The following C2CD3 variants were observed in gnomAD, a reference collection of about 807,000 sequenced individuals.
C2CD3 encodes C2 domain containing 3 centriole elongation regulator, also known as C2 domain-containing protein 3.
C2CD3 carries 148 observed loss-of-function variants against 234.0 expected under a neutral mutation model. That is an observed-to-expected ratio of 0.63 (90% CI 0.55 to 0.72). The LOEUF (loss-of-function observed/expected upper bound fraction) is 0.72, where lower values mean the gene tolerates loss of function less well. Among genes scored for constraint, C2CD3 ranks in the 30% least tolerant of loss-of-function variants. The pLI is 0.00. For missense variants in C2CD3, 2,577 were observed against 2,811.5 expected (o/e 0.92, Z 1.89); for synonymous variants, 1,000 against 1,035.4 (o/e 0.97, Z 0.66).
Position 74,114,609 on chromosome 11 carries a change from A to G in C2CD3, c.1521-16T>C. 6.4e-7 allele frequency: 1 copy of G among 1,551,704 alleles called. No individual in the cohort carries two copies. Among genetic ancestry groups the G allele is most frequent in the South Asian group, 1.1e-5 (1 of 89,802 alleles). On this transcript the variant is annotated splice_polypyrimidine_tract_variant and intron_variant, in intron 9 of 32. Coordinates refer to ENST00000334126, the MANE Select transcript of C2CD3 (RefSeq NM_001286577.2). ...AACCAAATTTCTGAAAGGAGTTCAC[A>G]CAAGCAGTGAGGCATACTGCTACAG...
chr11:74,074,187 A>G lies in C2CD3; in HGVS notation c.4951+66T>C, dbSNP rs2135460115. On this transcript the variant is annotated intron_variant, in intron 24 of 32. Transcript: ENST00000334126. ...AACAGATCCTGCCATGATTTGAAAG[A>G]TTTGTGAAGAAAGGAGCACACCCTG... The G allele has an allele frequency of 5.6e-6, 6 of 1,078,794 alleles. No homozygotes were observed. The East Asian group carries it at 1.4e-4, about 26-fold the overall frequency. The allele number at this position is 1,078,794 out of a possible 1,614,324, so 66.8% of individuals were successfully genotyped here.
chr11:74,013,476 G>A lies in C2CD3; in HGVS notation c.6971C>T (p.Pro2324Leu). 1 of 1,417,940 alleles carries A rather than the reference G, an allele frequency of 7.1e-7. No individual in the cohort carries two copies. The highest frequency in any genetic ancestry group is 2.9e-5 in the East Asian group (1 of 34,490). The allele number at this position is 1,417,940 out of a possible 1,614,324, so 87.8% of individuals were successfully genotyped here. A position where few individuals can be genotyped will look rare whatever the true frequency, so the allele number is the denominator to read the frequency against. The change falls in exon 33 of 33, where the codon CCC (proline) becomes CTC (leucine). Residue 2324 changes from proline to leucine, a missense_variant. Transcript: ENST00000334126. ...RGALSQRPCR[P>L]RPNSLPLNLP... ...GTTGAGGGGGAGCGAGTTAGGTCTG[G>A]GGCGACAAGGCCTTTGGGAGAGAGC...
At chr11:74,073,100 T>C (rs1954873003) in intron 24 of C2CD3, among the ~76,000 whole-genome samples, 1 of 150,198 alleles carries the variant, frequency 6.7e-6, no homozygotes, top group Non-Finnish European at 1.5e-5. Flanking sequence ...CAGGAATTCT[T>C]TGTGCCATGG....
rs777666083 is a variant in C2CD3, at chr11:74,092,604, G to A, written c.3345-16C>T. The A allele has an allele frequency of 6.2e-7, 1 of 1,600,986 alleles. No homozygotes were observed. Among genetic ancestry groups the A allele is most frequent in the South Asian group, 1.1e-5 (1 of 90,184 alleles). On this transcript the variant is annotated splice_polypyrimidine_tract_variant and intron_variant, in intron 18 of 32. Coordinates refer to ENST00000334126, the MANE Select transcript of C2CD3 (RefSeq NM_001286577.2). ...ATAATAGTATCTGTAAACCACAAAA[G>A]CACACGTTGTCAGAAGAATTAGGTG... is the stretch of plus-strand genomic sequence containing the variant.
At chr11:74,015,104 G>A (rs1951832207) in intron 32 of C2CD3, among the ~76,000 whole-genome samples, 1 of 152,190 alleles carries the variant, frequency 6.6e-6, no homozygotes, top group South Asian at 2.1e-4. Context: ...CAGACCAGGG[G>A]AGGCCAGTGG....
chr11:74,043,657 T>A (rs949685246), intron 28 of C2CD3, among the ~76,000 whole-genome samples: 11 of 151,900 alleles, frequency 7.2e-5, no homozygotes, highest in African/African-American at 2.7e-4. Context: ...TTTTTTTTTT[T>A]AAATACAGTC....
chr11:74,037,529 T>G lies in C2CD3; in HGVS notation c.5830A>C (p.Ile1944Leu), dbSNP rs746169999. The G allele has an allele frequency of 1.9e-6, 3 of 1,614,002 alleles. No homozygotes were observed. In the East Asian group the frequency reaches 6.7e-5, roughly 36 times the overall value. Residue 1944 changes from isoleucine to leucine, a missense_variant, in exon 30 of 33, where the codon ATC (isoleucine) becomes CTC (leucine). By Grantham distance (5) the Ile-to-Leu change is conservative (BLOSUM62 2). Transcript: ENST00000334126. ...ACCAGGTTACTGGATTTCTCCAGGA[T>G]ACACTGGCTCCCAGGGTCTAGGCTG... ...ASSLDPGSQC[I>L]LEKSSNLVLQ...
At chr11:74,107,193 C>T (rs1381522358) in intron 12 of C2CD3, among the ~76,000 whole-genome samples, 2 of 151,988 alleles carry the variant, frequency 1.3e-5, no homozygotes, top group African/African-American at 2.4e-5. Flanking sequence ...GGCATGGTGG[C>T]GGGTGCCTGT....
chr11:74,055,922 TTC>T (rs1953930964), intron 25 of C2CD3, among the ~76,000 whole-genome samples: 1 of 152,220 alleles, frequency 6.6e-6, no homozygotes, highest in African/African-American at 2.4e-5. Context: ...AGTTTTGTAA[TTC>T]TGTTAGGTTT....
intron 24 of C2CD3, among the ~76,000 whole-genome samples, chr11:74,072,329 C>T (rs181640029): frequency 6.6e-5 from 10 of 152,096 alleles, no homozygotes; most frequent in Non-Finnish European, 8.8e-5. Context: ...GTAGTATAAA[C>T]GGGGAGGAGT....
intron 3 of C2CD3, among the ~76,000 whole-genome samples, chr11:74,153,859 T>C (rs547262327): frequency 6.6e-6 from 1 of 151,934 alleles, no homozygotes; most frequent in Admixed American, 6.6e-5. Context: ...AGAATTCCAT[T>C]AAAAACAAAA....
At chr11:74,085,324 G>GA (rs1051064118) in intron 21 of C2CD3, among the ~76,000 whole-genome samples, 22 of 151,682 alleles carry the variant, frequency 1.5e-4, no homozygotes, top group Admixed American at 6.6e-4. Context: ...TAAATGTTTT[G>GA]AAAAAAATTC....
At chr11:74,156,266 C>G (rs1856011629) in intron 3 of C2CD3, among the ~76,000 whole-genome samples, 1 of 149,938 alleles carries the variant, frequency 6.7e-6, no homozygotes, top group Non-Finnish European at 1.5e-5. Flanking sequence ...GAGCAAGACT[C>G]CGTCTCAAAA....
At position 74,078,489 on chromosome 11, in the gene C2CD3, G is replaced by T; in HGVS notation, c.4229C>A (p.Ser1410Tyr). 6.2e-7 allele frequency: 1 copy of T among 1,614,184 alleles called. No homozygotes were observed. Among genetic ancestry groups the T allele is most frequent in the African/African-American group, 1.3e-5 (1 of 75,050 alleles). The change falls in exon 23 of 33, where the codon TCC (serine) becomes TAC (tyrosine). Residue 1410 changes from serine to tyrosine, a missense_variant. Transcript: ENST00000334126. ...DEGEPATVTI[S>Y]TPRLWLPIHC... ...GATGGGCAGCCACAGCCTTGGGGTG[G>T]AGATGGTGACAGTGGCTGGCTCCCC...
chr11:74,031,337 G>A (rs578015640), intron 31 of C2CD3, among the ~76,000 whole-genome samples: 5 of 152,262 alleles, frequency 3.3e-5, no homozygotes, highest in South Asian at 4.1e-4. Context: ...GCCTCACCTC[G>A]CACCATCCCC....
At chr11:74,170,648 G>A (rs1377478885) in intron 1 of C2CD3, 90 bp downstream of exon 1, 7 of 1,461,992 alleles carry the variant, frequency 4.8e-6, no homozygotes, top group Non-Finnish European at 6.7e-6. Flanking sequence ...CCCTTTTCTT[G>A]TTTATCCAGC....
chr11:74,117,530 G>A (rs1485712366), intron 9 of C2CD3, among the ~76,000 whole-genome samples: 2 of 151,540 alleles, frequency 1.3e-5, no homozygotes, highest in Non-Finnish European at 2.9e-5. Flanking sequence ...ATAAGTGGAA[G>A]CAAAGCTATG....
chr11:74,092,401 CTT>C lies in C2CD3; in HGVS notation c.3517+13_3517+14del, dbSNP rs1161450865. Reference sequence around the variant, plus strand: ...ACTGATTTTGAAAGAAAAAGACAAACTTGTTTTCAATTACCTGATGACTGGTT... The same window carrying C: ...ACTGATTTTGAAAGAAAAAGACAAACGTTTTCAATTACCTGATGACTGGTT... On this transcript the variant is annotated intron_variant, in intron 19 of 32. Transcript: ENST00000334126. The C allele has an allele frequency of 6.2e-7, 1 of 1,608,548 alleles. No individual in the cohort carries two copies.
intron 17 of C2CD3, 36 bp downstream of exon 17, chr11:74,095,192 C>G: frequency 7.3e-7 from 1 of 1,375,938 alleles, no homozygotes; most frequent in Non-Finnish European, 9.8e-7. Context: ...ATAAAAGAAC[C>G]ATATAAGAAT....
Sources: gnomAD v4.1 joint callset for allele counts (sites outside exome capture counted in the v4.1 genomes callset) on GRCh38, gnomAD v4.1.1 for gene constraint, MANE v1.5 for transcripts, NCBI Gene and HGNC (gene_info 2026-07-23, HGNC 2026-07-21) for gene names.